Variants in CD109 observed in about 807,000 individuals in gnomAD.
CD109 encodes CD109 antigen.
In CD109, 149 loss-of-function variants were observed where a neutral mutation model predicts 165.8. That is an observed-to-expected ratio of 0.90 (90% CI 0.79 to 1.03). CD109 has a LOEUF of 1.03. Ranked by LOEUF, CD109 falls within the 50% of genes least tolerant of loss-of-function variation. The pLI is 0.00. For missense variants in CD109, 1,712 were observed against 1,677.8 expected, an observed-to-expected ratio of 1.02 and a Z score of -0.36; for synonymous variants, 585 against 592.1, an observed-to-expected ratio of 0.99 and a Z score of 0.18.
chr6:73,723,483 A>T (rs990378364), intron 3 of CD109, among the ~76,000 whole-genome samples: 1 of 152,186 alleles, frequency 6.6e-6, no homozygotes, highest in Non-Finnish European at 1.5e-5. Context: ...CTCTTGGCAG[A>T]GATTTTCCTC....
intron 4 of CD109, among the ~76,000 whole-genome samples, chr6:73,735,160 G>T (rs2150185353): frequency 6.6e-6 from 1 of 152,314 alleles, no homozygotes; most frequent in East Asian, 1.9e-4. Flanking sequence ...AATGTAGATG[G>T]AGTAGTATTA....
chr6:73,710,529 AT>A (rs912662620), intron 2 of CD109, among the ~76,000 whole-genome samples: 27 of 148,430 alleles, frequency 1.8e-4, no homozygotes, highest in Non-Finnish European at 2.0e-4. Flanking sequence ...AATTTTTTCT[AT>A]TTTTTTTTTA....
At chr6:73,694,270 A>G (rs923079384), upstream of CD109, 2 of 152,206 alleles carry the variant, frequency 1.3e-5, no homozygotes, top group Admixed American at 1.3e-4. Context: ...TTTTTATTGA[A>G]TAGCTACTCT....
chr6:73,790,256 G>A (rs749317256), intron 22 of CD109, among the ~76,000 whole-genome samples: 7 of 150,600 alleles, frequency 4.6e-5, no homozygotes, highest in South Asian at 2.1e-4. Context: ...CACCATGCCC[G>A]GCTAATTTTT....
chr6:73,684,221 C>CTT, the CD109 span, among the ~76,000 whole-genome samples: 12 of 136,388 alleles, frequency 8.8e-5, 1 homozygote, highest in South Asian at 4.8e-4. Flanking sequence ...GTCGTTCTTT[C>CTT]TTTTTTTTTT....
At position 73,707,995 on chromosome 6, in the gene CD109, T is replaced by C. The variant is rs994083625; in HGVS notation, c.247+10423T>C. On this transcript the variant is annotated intron_variant, in intron 2 of 32. Coordinates refer to ENST00000287097, the MANE Select transcript of CD109 (RefSeq NM_133493.5). ...ATATATATATATATATATATATATA[T>C]ATATATATATATATTTATTATACTT... Among the ~76,000 whole-genome samples the C allele has an allele frequency of 2.3e-4, 26 of 115,020 alleles. 1 individual carries two copies. The highest frequency in any genetic ancestry group is 8.3e-4 in the South Asian group (3 of 3,596). 75.5% of individuals were successfully genotyped at this position (115,020 alleles called of 152,430 possible).
chr6:73,786,057 G>A lies in CD109; in HGVS notation c.2337+580G>A, dbSNP rs139037104. 3.5e-3 allele frequency among the ~76,000 whole-genome samples: 408 copies of A among 115,638 alleles called. 1 individual carries two copies. Among genetic ancestry groups the A allele is most frequent in the Non-Finnish European group, 5.6e-3 (309 of 54,998 alleles). 75.9% of individuals were successfully genotyped at this position (115,638 alleles called of 152,430 possible). On this transcript the variant is annotated intron_variant, in intron 20 of 32. Coordinates refer to ENST00000287097, the MANE Select transcript of CD109 (RefSeq NM_133493.5). ...CAGAGTGTTGCCATGTTGGCCAGGC[G>A]GGTCTTGATCAAGTGATCTGCCTGC...
intron 5 of CD109, among the ~76,000 whole-genome samples, chr6:73,741,214 G>C (rs762328553): frequency 6.6e-6 from 1 of 151,556 alleles, no homozygotes; most frequent in Non-Finnish European, 1.5e-5. Flanking sequence ...GGCTCTTTTT[G>C]TGCTACTTAT....
At chr6:73,787,196 C>A in intron 20 of CD109, 38 bp from the exon 21 acceptor site, 1 of 1,353,426 alleles carries the variant, frequency 7.4e-7, no homozygotes, top group Non-Finnish European at 1.0e-6. Context: ...TGAAGAGCAT[C>A]TATTATACAA....
At chr6:73,761,827 A>G (rs1398626652) in intron 7 of CD109, among the ~76,000 whole-genome samples, 1 of 151,878 alleles carries the variant, frequency 6.6e-6, no homozygotes, top group Admixed American at 6.6e-5. Context: ...ATCCAGGATC[A>G]CCGTTTATTA....
At chr6:73,765,701 A>G (rs1582124349) in intron 10 of CD109, among the ~76,000 whole-genome samples, 1 of 152,142 alleles carries the variant, frequency 6.6e-6, no homozygotes, top group East Asian at 1.9e-4. Flanking sequence ...AGAGGTAGGA[A>G]GTGAAGGGGG....
intron 17 of CD109, among the ~76,000 whole-genome samples, chr6:73,781,820 C>CAT (rs1774517679): frequency 8.0e-6 from 1 of 124,846 alleles, no homozygotes; most frequent in Admixed American, 8.4e-5. Flanking sequence ...CACGCAGACA[C>CAT]ACACACACAC....
chr6:73,757,481 C>A (rs1350048681), intron 6 of CD109, among the ~76,000 whole-genome samples: 2 of 152,044 alleles, frequency 1.3e-5, no homozygotes, highest in African/African-American at 2.4e-5. Flanking sequence ...ATGAAATATT[C>A]TTCTTCTTTT....
In CD109 at chr6:73,815,113, G is replaced by A. The variant is rs746760143; in HGVS notation, c.3901G>A (p.Val1301Met). 10 of 1,585,706 alleles carry A rather than the reference G, an allele frequency of 6.3e-6. No individual in the cohort carries two copies. The Admixed American group carries it at 9.5e-5, about 15-fold the overall frequency. The change falls in exon 30 of 33, where the codon GTG becomes ATG. Residue 1301 changes from valine (V) to methionine (M), a missense_variant. Physicochemically the swap from Val to Met is conservative, Grantham distance 21 (BLOSUM62 1). Coordinates refer to ENST00000287097, the MANE Select transcript of CD109 (RefSeq NM_133493.5). ...TGATCTCAATCATGTGGATTTGAAT[G>A]TGTGTACAAGGTAAGTGTCTGCTTA... ...KDDLNHVDLN[V>M]CTSFSGPGRS...
chr6:73,738,670 G>T (rs1772636772), intron 5 of CD109, among the ~76,000 whole-genome samples: 2 of 152,164 alleles, frequency 1.3e-5, no homozygotes, highest in Admixed American at 1.3e-4. Flanking sequence ...AAATTTAGGT[G>T]CTTAAAAAAT....
At position 73,696,267 on chromosome 6, in the gene CD109, G is replaced by A. The variant is rs747990886; in HGVS notation, c.52G>A (p.Ala18Thr). 1.1e-4 allele frequency: 174 copies of A among 1,530,106 alleles called. No individual in the cohort carries two copies. Among genetic ancestry groups the A allele is most frequent in the Non-Finnish European group, 1.4e-4 (163 of 1,144,108 alleles). The allele number at this position is 1,530,106 out of a possible 1,614,324, so 94.8% of individuals were successfully genotyped here. A position where few individuals can be genotyped will look rare whatever the true frequency, so the allele number is the denominator to read the frequency against. The stretch of plus-strand genomic sequence containing the variant: ...CGCCCACCTCCTCTGCGTGTGCACC[G>A]CCGCGCTGGCCGTGGCTCCCGGGTA... ...TAAHLLCVCT[A>T]ALAVAPGPRF... The change falls in exon 1 of 33, where the codon GCC (alanine) becomes ACC (threonine). Residue 18 changes from alanine to threonine, a missense_variant. Physicochemically the swap from Ala to Thr is moderately conservative, Grantham distance 58. Coordinates refer to ENST00000287097, the MANE Select transcript of CD109 (RefSeq NM_133493.5).
chr6:73,706,417 G>A (rs140851094), intron 2 of CD109, among the ~76,000 whole-genome samples: 220 of 152,322 alleles, frequency 1.4e-3, no homozygotes, highest in African/African-American at 5.0e-3. Context: ...TGTTTACGAT[G>A]AAGATATGCC....
In CD109 at chr6:73,792,633, TCTTGGTCCTTCCATCAATGGCTTAGC is replaced by T. The variant is rs754024631; in HGVS notation, c.2712_2737del (p.Gly905IlefsTer10). ...CATGTCTTGTGCTTCCAGGAGATGT[TCTTGGTCCTTCCATCAATGGCTTAGC>T]CTCATTGATTCGGATGCCTTATGGC... On this transcript the variant is annotated frameshift_variant, in exon 23 of 33. Coordinates refer to ENST00000287097, the MANE Select transcript of CD109 (RefSeq NM_133493.5). LOFTEE classifies it high-confidence loss of function. 1 of 1,612,790 alleles carries T rather than the reference TCTTGGTCCTTCCATCAATGGCTTAGC, an allele frequency of 6.2e-7. No individual in the cohort carries two copies. Among genetic ancestry groups the T allele is most frequent in the Non-Finnish European group, 8.5e-7 (1 of 1,179,862 alleles).
chr6:73,809,963 G>A (rs771904247), intron 26 of CD109, 21 bp from the exon 27 acceptor site: 5 of 1,571,678 alleles, frequency 3.2e-6, no homozygotes, highest in Admixed American at 1.9e-5. Flanking sequence ...TGATCAGAAT[G>A]TTATTACTTT....
Sources: gnomAD v4.1 joint callset for allele counts (sites outside exome capture counted in the v4.1 genomes callset) on GRCh38, gnomAD v4.1.1 for gene constraint, MANE v1.5 for transcripts, NCBI Gene and HGNC (gene_info 2026-07-23, HGNC 2026-07-21) for gene names.